XKR4: variants seen among roughly 807,000 people sequenced by gnomAD.
XKR4 encodes XK-related protein 4.
In XKR4, 12 loss-of-function variants were observed where a neutral mutation model predicts 53.9. The ratio of observed to expected loss-of-function variants is 0.22; its 90% confidence interval spans 0.14 to 0.36. The LOEUF is 0.36. Ranked by LOEUF, XKR4 falls within the 10% of genes least tolerant of loss-of-function variation. The pLI is 1.00. For synonymous variants in XKR4, 354 were observed against 362.4 expected (o/e 0.98, Z 0.26); for missense variants, 799 against 859.5 (o/e 0.93, Z 0.88).
chr8:55,211,516 C>T (rs912196836), intron 1 of XKR4, among the ~76,000 whole-genome samples: 4 of 152,196 alleles, frequency 2.6e-5, no homozygotes, highest in African/African-American at 9.7e-5. Flanking sequence ...TGGTATGTCA[C>T]TATATGAATT....
intron 2 of XKR4, among the ~76,000 whole-genome samples, chr8:55,389,786 T>A (rs1804417992): frequency 6.6e-6 from 1 of 152,218 alleles, no homozygotes; most frequent in South Asian, 2.1e-4. Context: ...AGCCTGTCTT[T>A]AAGTCCCTGG....
chr8:55,264,815 A>G (rs571939683), intron 1 of XKR4, among the ~76,000 whole-genome samples: 3 of 152,354 alleles, frequency 2.0e-5, no homozygotes, highest in East Asian at 1.9e-4. Flanking sequence ...TACACAAAAC[A>G]TAGACAGAAT....
At chr8:55,266,808 C>T (rs978479286) in intron 1 of XKR4, among the ~76,000 whole-genome samples, 7 of 152,264 alleles carry the variant, frequency 4.6e-5, no homozygotes, top group Admixed American at 2.6e-4. Context: ...AGAGACCCCT[C>T]CTCTGAGTTT....
At chr8:55,199,851 A>C (rs115321461) in intron 1 of XKR4, among the ~76,000 whole-genome samples, 4,384 of 152,170 alleles carry the variant, frequency 0.029, 219 homozygotes, top group African/African-American at 0.098. Flanking sequence ...TTGTTTTTTA[A>C]TTTTCTCAGT....
At chr8:55,465,249 A>G (rs1351151540) in intron 2 of XKR4, among the ~76,000 whole-genome samples, 2 of 152,192 alleles carry the variant, frequency 1.3e-5, no homozygotes, top group Non-Finnish European at 2.9e-5. Flanking sequence ...CTACAAGGCT[A>G]CAGTAACCAA....
chr8:55,170,497 G>A (rs1008855885), intron 1 of XKR4, among the ~76,000 whole-genome samples: 1 of 152,212 alleles, frequency 6.6e-6, no homozygotes, highest in Admixed American at 6.5e-5. Context: ...AGAGCCTGCA[G>A]AAGGAACATA....
At chr8:55,254,137 A>G (rs903331527) in intron 1 of XKR4, among the ~76,000 whole-genome samples, 6 of 151,944 alleles carry the variant, frequency 3.9e-5, no homozygotes, top group Non-Finnish European at 7.4e-5. Context: ...ACATAGATTA[A>G]TTCTTTAATC....
At chr8:55,122,480 T>C (rs1300237409) in intron 1 of XKR4, among the ~76,000 whole-genome samples, 2 of 152,226 alleles carry the variant, frequency 1.3e-5, no homozygotes, top group African/African-American at 4.8e-5. Flanking sequence ...GTATTCTATC[T>C]GGTTGACGCC....
At chr8:55,390,069 C>T (rs182623420) in intron 2 of XKR4, among the ~76,000 whole-genome samples, 6 of 152,238 alleles carry the variant, frequency 3.9e-5, no homozygotes, top group African/African-American at 4.8e-5. Flanking sequence ...GAAACTGGCC[C>T]GTGGTTATCT....
At chr8:55,250,455 C>T (rs151247254) in intron 1 of XKR4, among the ~76,000 whole-genome samples, 1 of 152,200 alleles carries the variant, frequency 6.6e-6, no homozygotes, top group African/African-American at 2.4e-5. Context: ...GATTCTGGAC[C>T]TTTGGATGTC....
At chr8:55,306,752 G>T (rs1318327334) in intron 1 of XKR4, among the ~76,000 whole-genome samples, 3 of 152,124 alleles carry the variant, frequency 2.0e-5, no homozygotes, top group Admixed American at 1.3e-4. Context: ...TTATCACATG[G>T]TATAAAAGGT....
chr8:55,354,904 A>ATT (rs772993526), intron 1 of XKR4, among the ~76,000 whole-genome samples: 11,029 of 142,572 alleles, frequency 0.077, 1,266 homozygotes, highest in African/African-American at 0.25. Flanking sequence ...TCAGTATAGA[A>ATT]TTTTTTTTTT....
At chr8:55,425,068 G>T (rs1041890874) in intron 2 of XKR4, among the ~76,000 whole-genome samples, 1 of 152,164 alleles carries the variant, frequency 6.6e-6, no homozygotes, top group African/African-American at 2.4e-5. Flanking sequence ...CCTCTAATGA[G>T]CACACTCAGT....
intron 1 of XKR4, among the ~76,000 whole-genome samples, chr8:55,218,197 T>A (rs1223071963): frequency 5.3e-5 from 8 of 152,218 alleles, no homozygotes; most frequent in African/African-American, 1.9e-4. Flanking sequence ...CTGCACAATG[T>A]CTTACAGCTA....
rs1807037729 is a variant in XKR4, at chr8:55,536,770, G to A, written c.*12543G>A. Reference sequence around the variant, plus strand: ...ATGAATGAAAGAGGTCAGGTAGGCTGTCCTGGGCATTCTGGGCCTGGCTGC... The same window carrying A: ...ATGAATGAAAGAGGTCAGGTAGGCTATCCTGGGCATTCTGGGCCTGGCTGC... On this transcript the variant is annotated 3_prime_UTR_variant, in exon 3 of 3. Coordinates refer to ENST00000327381, the MANE Select transcript of XKR4 (RefSeq NM_052898.2). The A allele has an allele frequency of 6.6e-6, 1 of 152,212 alleles. No homozygotes were observed. Among genetic ancestry groups the A allele is most frequent in the South Asian group, 2.1e-4 (1 of 4,830 alleles). 9.4% of individuals were successfully genotyped at this position (152,212 alleles called of 1,614,324 possible).
At chr8:55,290,130 A>AT (rs1203712190) in intron 1 of XKR4, among the ~76,000 whole-genome samples, 2,323 of 137,878 alleles carry the variant, frequency 0.017, 44 homozygotes, top group Admixed American at 0.04. Flanking sequence ...CTTTAATTTA[A>AT]TTTTTTTTTT....
rs552238844 is a variant in XKR4, at chr8:55,503,012, A to T, written c.1007-20269A>T. Among the ~76,000 whole-genome samples the T allele has an allele frequency of 2.6e-5, 4 of 152,134 alleles. No homozygotes were observed. The East Asian group carries it at 7.7e-4, about 29-fold the overall frequency. On this transcript the variant is annotated intron_variant, in intron 2 of 2. Coordinates refer to ENST00000327381, the MANE Select transcript of XKR4 (RefSeq NM_052898.2). ...CTTGTCAAAAATCGTTTGACCATCT[A>T]TGTGGGGGTATATTTCTGGGCTCAC...
rs7837220 is a variant in XKR4 at position 55,161,765 on chromosome 8, C to G, written c.806+58471C>G. 3.3e-3 allele frequency: 1,207 copies of G among 370,244 alleles called. 17 individuals are homozygous for G. The highest frequency in any genetic ancestry group is 0.022 in the African/African-American group (1,032 of 47,072). The allele number at this position is 370,244 out of a possible 1,614,324, so 22.9% of individuals were successfully genotyped here. On this transcript the variant is annotated intron_variant, in intron 1 of 2. Coordinates refer to ENST00000327381, the MANE Select transcript of XKR4 (RefSeq NM_052898.2). The stretch of plus-strand genomic sequence containing the variant: ...CTGCACATACATTCATCACTAAATT[C>G]TTTTCTCCACTTCACAGGTTACAAA...
chr8:55,289,608 A>AGAAG (rs1252584897), intron 1 of XKR4, among the ~76,000 whole-genome samples: 39 of 130,334 alleles, frequency 3.0e-4, no homozygotes, highest in Admixed American at 7.7e-4. Context: ...AAAGAAAGAA[A>AGAAG]GAAAGAAAGA....
Sources: gnomAD v4.1 joint callset for allele counts (sites outside exome capture counted in the v4.1 genomes callset) on GRCh38, gnomAD v4.1.1 for gene constraint, MANE v1.5 for transcripts, NCBI Gene and HGNC (gene_info 2026-07-23, HGNC 2026-07-21) for gene names.